The following TENM2 variants were observed in gnomAD, a reference collection of about 807,000 sequenced individuals.
TENM2 encodes the protein teneurin-2.
Under a neutral mutation model 245.2 loss-of-function variants are expected in TENM2, and 52 were observed. That is an observed-to-expected ratio of 0.21 (90% confidence interval 0.17 to 0.27). The LOEUF (loss-of-function observed/expected upper bound fraction) is 0.27. Among genes scored for constraint, TENM2 ranks in the 10% least tolerant of loss-of-function variants. The pLI, the probability that TENM2 is intolerant of heterozygous loss-of-function variation, is 1.00. For synonymous variants in TENM2, 1,363 were observed against 1,438.9 expected (o/e 0.95, Z 1.19); for missense variants, 3,046 against 3,666.8 (o/e 0.83, Z 4.37).
chr5:167,648,227 G>C (rs904596013), intron 2 of TENM2, among the ~76,000 whole-genome samples: 1 of 152,192 alleles, frequency 6.6e-6, no homozygotes, highest in Non-Finnish European at 1.5e-5. Flanking sequence ...ACCTGGCTTA[G>C]ACAAAGGCTT....
intron 2 of TENM2, among the ~76,000 whole-genome samples, chr5:167,829,896 G>A (rs757512797): frequency 3.9e-5 from 6 of 152,188 alleles, no homozygotes; most frequent in South Asian, 4.1e-4. Context: ...CCTTCAGAGC[G>A]TCAGTGAAGG....
intron 2 of TENM2, among the ~76,000 whole-genome samples, chr5:167,599,843 A>C (rs1776483899): frequency 6.6e-6 from 1 of 152,050 alleles, no homozygotes; most frequent in Non-Finnish European, 1.5e-5. Context: ...GAAGTGGCTG[A>C]GAATATCGTT....
the TENM2 span, among the ~76,000 whole-genome samples, chr5:167,163,541 T>C: frequency 6.6e-6 from 1 of 152,204 alleles, no homozygotes; most frequent in Non-Finnish European, 1.5e-5. Flanking sequence ...ATCTGGACTT[T>C]GTTTATGAAT....
At chr5:167,226,869 G>A in the TENM2 span, among the ~76,000 whole-genome samples, 1 of 151,662 alleles carries the variant, frequency 6.6e-6, no homozygotes, top group Admixed American at 6.6e-5. Context: ...CTCCAATGTT[G>A]GGTGCATAAA....
chr5:167,932,436 A>G (rs1437252801), intron 3 of TENM2, among the ~76,000 whole-genome samples: 1 of 152,136 alleles, frequency 6.6e-6, no homozygotes. Flanking sequence ...GTTTGAATGA[A>G]TGAATGATGA....
chr5:168,022,448 A>G (rs1328678970), intron 5 of TENM2, among the ~76,000 whole-genome samples: 1 of 152,254 alleles, frequency 6.6e-6, no homozygotes, highest in Non-Finnish European at 1.5e-5. Flanking sequence ...GAAAGAAATC[A>G]GAGCAGGTTA....
At chr5:167,866,251 G>T (rs540781181) in intron 2 of TENM2, among the ~76,000 whole-genome samples, 84 of 152,212 alleles carry the variant, frequency 5.5e-4, no homozygotes, top group Non-Finnish European at 5.9e-4. Flanking sequence ...GTAATCCCAG[G>T]ACTTTGGGAG....
At chr5:166,984,346 G>A in the TENM2 span, among the ~76,000 whole-genome samples, 1 of 152,004 alleles carries the variant, frequency 6.6e-6, no homozygotes, top group African/African-American at 2.4e-5. Flanking sequence ...TAAATCTTAA[G>A]GTGGGACACA....
At chr5:167,986,594 C>T (rs1289549302) in intron 4 of TENM2, among the ~76,000 whole-genome samples, 1 of 152,196 alleles carries the variant, frequency 6.6e-6, no homozygotes, top group Non-Finnish European at 1.5e-5. Flanking sequence ...CCCTCATTTG[C>T]CTTTCCTTTC....
At chr5:166,988,296 G>A in the TENM2 span, among the ~76,000 whole-genome samples, 3 of 152,118 alleles carry the variant, frequency 2.0e-5, no homozygotes, top group Non-Finnish European at 4.4e-5. Context: ...AATCAGAGAA[G>A]CAATGGCTGG....
At chr5:167,739,895 T>A (rs1401082550) in intron 2 of TENM2, among the ~76,000 whole-genome samples, 1 of 152,180 alleles carries the variant, frequency 6.6e-6, no homozygotes, top group Non-Finnish European at 1.5e-5. Context: ...TTTCCAGCAA[T>A]ATGTGATAAC....
chr5:167,547,127 C>G (rs566868284), intron 2 of TENM2, among the ~76,000 whole-genome samples: 39 of 152,272 alleles, frequency 2.6e-4, no homozygotes, highest in Non-Finnish European at 5.1e-4. Context: ...GTCTTGTTGT[C>G]CAGGCTGGAG....
chr5:168,036,681 A>G (rs933809259), intron 5 of TENM2, among the ~76,000 whole-genome samples: 3 of 108,534 alleles, frequency 2.8e-5, no homozygotes, highest in African/African-American at 1.6e-4. Flanking sequence ...GTATGTGTAT[A>G]TATATATATA....
the TENM2 span, among the ~76,000 whole-genome samples, chr5:167,164,609 A>T: frequency 6.6e-6 from 1 of 152,186 alleles, no homozygotes; most frequent in Non-Finnish European, 1.5e-5. Flanking sequence ...TTAACTGATA[A>T]TTATTTGAGT....
At chr5:167,846,349 A>G (rs552774055) in intron 2 of TENM2, among the ~76,000 whole-genome samples, 1 of 152,366 alleles carries the variant, frequency 6.6e-6, no homozygotes, top group African/African-American at 2.4e-5. Flanking sequence ...CTCAGTCCAG[A>G]GTTCCCATCC....
chr5:167,565,493 T>C (rs1285351583), intron 2 of TENM2, among the ~76,000 whole-genome samples: 4 of 152,256 alleles, frequency 2.6e-5, no homozygotes, highest in African/African-American at 9.6e-5. Context: ...CTCTATTAAT[T>C]GGTGCCCCAG....
chr5:167,197,627 A>T, the TENM2 span, among the ~76,000 whole-genome samples: 1 of 152,132 alleles, frequency 6.6e-6, no homozygotes, highest in East Asian at 1.9e-4. Context: ...GTGTCCTGGG[A>T]CTTCTCTGGC....
At chr5:167,183,795 C>G in the TENM2 span, among the ~76,000 whole-genome samples, 2 of 152,066 alleles carry the variant, frequency 1.3e-5, no homozygotes, top group East Asian at 3.9e-4. Context: ...AAAATGGCCA[C>G]TTACTGAATT....
chr5:167,646,746 T>C (rs574684591), intron 2 of TENM2, among the ~76,000 whole-genome samples: 37 of 152,128 alleles, frequency 2.4e-4, no homozygotes, highest in Non-Finnish European at 4.7e-4. Context: ...ACAAGTACAG[T>C]TTTAAAAGTC....
Sources: gnomAD v4.1 joint callset for allele counts (sites outside exome capture counted in the v4.1 genomes callset) on GRCh38, gnomAD v4.1.1 for gene constraint, MANE v1.5 for transcripts, NCBI Gene and HGNC (gene_info 2026-07-23, HGNC 2026-07-21) for gene names.